Variants in NTM observed in about 807,000 individuals in gnomAD.
The protein encoded by NTM is IgLON family member 2.
In NTM, 13 loss-of-function variants were observed where a neutral mutation model predicts 42.1. That is an observed-to-expected ratio of 0.31 (90% CI 0.20 to 0.49). NTM has a LOEUF of 0.49. Among genes scored for constraint, NTM ranks in the 20% least tolerant of loss-of-function variants. The pLI is 0.99. For missense variants in NTM, 373 were observed against 452.8 expected (o/e 0.82, Z 1.60); for synonymous variants, 187 against 179.2 (o/e 1.04, Z -0.35).
At chr11:131,434,303 A>T (rs1307226935) in intron 1 of NTM, among the ~76,000 whole-genome samples, 1 of 152,240 alleles carries the variant, frequency 6.6e-6, no homozygotes, top group Non-Finnish European at 1.5e-5. Flanking sequence ...GTATATACCC[A>T]GTAATGGGAT....
chr11:131,542,125 T>C (rs2053349205), intron 1 of NTM, among the ~76,000 whole-genome samples: 1 of 152,174 alleles, frequency 6.6e-6, no homozygotes, highest in Admixed American at 6.5e-5. Context: ...ATGGGAATGA[T>C]TGTCCATTCT....
intron 1 of NTM, among the ~76,000 whole-genome samples, chr11:131,480,136 T>A (rs1953404682): frequency 6.6e-6 from 1 of 151,362 alleles, no homozygotes. Flanking sequence ...GATTACTTTT[T>A]TTTTTTTTTT....
chr11:131,956,462 C>T (rs1289722674), intron 2 of NTM, among the ~76,000 whole-genome samples: 3 of 152,068 alleles, frequency 2.0e-5, no homozygotes, highest in African/African-American at 7.2e-5. Context: ...AGTTAGGATA[C>T]TTTAGCATTA....
chr11:132,154,396 A>G (rs930563247), intron 3 of NTM, among the ~76,000 whole-genome samples: 12 of 152,264 alleles, frequency 7.9e-5, no homozygotes, highest in African/African-American at 2.7e-4. Context: ...TGCTTCTTGC[A>G]TGGTTAAGAC....
intron 1 of NTM, among the ~76,000 whole-genome samples, chr11:131,679,830 G>A (rs1314548423): frequency 1.3e-5 from 2 of 152,114 alleles, no homozygotes; most frequent in East Asian, 3.9e-4. Flanking sequence ...TCACCCTGAT[G>A]CAGGCTGACA....
rs568726485 is a variant in NTM, at chr11:132,020,924, T to G, written c.167+109276T>G. ...TTGGATTTGTAGAGTTTTTTAGATA[T>G]CTAGATTAGTGTTTTTAATCAAATT... On this transcript the variant is annotated intron_variant, in intron 2 of 8. Coordinates refer to ENST00000683400, the MANE Select transcript of NTM (RefSeq NM_001352005.2). Among the ~76,000 whole-genome samples, 3 of 152,288 alleles carry G rather than the reference T, an allele frequency of 2.0e-5. No individual in the cohort carries two copies. The South Asian group carries it at 6.2e-4, about 32-fold the overall frequency.
intron 1 of NTM, among the ~76,000 whole-genome samples, chr11:131,614,046 C>G (rs2061686719): frequency 6.6e-6 from 1 of 152,204 alleles, no homozygotes; most frequent in Non-Finnish European, 1.5e-5. Flanking sequence ...TTATGAGTAG[C>G]CTCTCAATAC....
intron 1 of NTM, among the ~76,000 whole-genome samples, chr11:131,552,161 A>T (rs2054756031): frequency 6.6e-6 from 1 of 152,186 alleles, no homozygotes; most frequent in African/African-American, 2.4e-5. Context: ...AGGGAGAGAG[A>T]CAGGGTCAGG....
chr11:132,267,767 G>T (rs1478125107), intron 4 of NTM, among the ~76,000 whole-genome samples: 1 of 151,652 alleles, frequency 6.6e-6, no homozygotes, highest in Non-Finnish European at 1.5e-5. Context: ...ACTTGAACTG[G>T]GGAGGCAGAT....
At chr11:131,783,886 TG>T (rs760722033) in intron 1 of NTM, among the ~76,000 whole-genome samples, 1 of 152,200 alleles carries the variant, frequency 6.6e-6, no homozygotes, top group Non-Finnish European at 1.5e-5. Flanking sequence ...TGCATTTATT[TG>T]GCAAATGACT....
chr11:131,604,727 G>C (rs1351080930), intron 1 of NTM, among the ~76,000 whole-genome samples: 1 of 148,654 alleles, frequency 6.7e-6, no homozygotes, highest in African/African-American at 2.5e-5. Flanking sequence ...TTTTTTGGGG[G>C]GAGGGGGTGG....
At chr11:131,505,721 C>G (rs1027185450) in intron 1 of NTM, among the ~76,000 whole-genome samples, 2 of 152,194 alleles carry the variant, frequency 1.3e-5, no homozygotes, top group African/African-American at 4.8e-5. Flanking sequence ...ACGGTGGCCA[C>G]TCAGCAGGTT....
intron 2 of NTM, among the ~76,000 whole-genome samples, chr11:132,143,184 GCAA>G (rs538050184): frequency 7.9e-5 from 12 of 152,234 alleles, no homozygotes; most frequent in African/African-American, 2.9e-4. Flanking sequence ...TATTCACTCT[GCAA>G]CTCTCATTTT....
At chr11:131,968,929 A>G (rs2063187295) in intron 2 of NTM, among the ~76,000 whole-genome samples, 1 of 152,158 alleles carries the variant, frequency 6.6e-6, no homozygotes, top group Non-Finnish European at 1.5e-5. Context: ...GAACTCCCTT[A>G]TGGATTATTT....
chr11:132,192,923 TA>T (rs2079546389), intron 3 of NTM, among the ~76,000 whole-genome samples: 1 of 152,150 alleles, frequency 6.6e-6, no homozygotes, highest in Non-Finnish European at 1.5e-5. Context: ...TGCTTAATTA[TA>T]AAGGGCTCAA....
chr11:131,624,660 A>G lies in NTM; in HGVS notation c.82+253772A>G, dbSNP rs373187642. On this transcript the variant is annotated intron_variant, in intron 1 of 8. Transcript: ENST00000683400. ...TAGCACTTAACATTTTACTAAGCAT[A>G]GGATGGACATTTAACAAATGATTGT... Among the ~76,000 whole-genome samples the G allele has an allele frequency of 5.1e-4, 77 of 152,356 alleles. 3 individuals carry two copies. The South Asian group carries it at 0.016, about 31-fold the overall frequency.
chr11:131,556,868 G>A (rs2055506045), intron 1 of NTM, among the ~76,000 whole-genome samples: 1 of 152,058 alleles, frequency 6.6e-6, no homozygotes, highest in South Asian at 2.1e-4. Flanking sequence ...ACCCAGCCTT[G>A]GGAATTTTTA....
chr11:132,119,386 AC>A (rs2064393740), intron 2 of NTM, among the ~76,000 whole-genome samples: 1 of 152,002 alleles, frequency 6.6e-6, no homozygotes, highest in Non-Finnish European at 1.5e-5. Flanking sequence ...ATCATGACTG[AC>A]CCTTCTGATA....
chr11:132,149,707 G>A (rs1196921874), intron 3 of NTM, among the ~76,000 whole-genome samples: 2 of 152,170 alleles, frequency 1.3e-5, no homozygotes, highest in Non-Finnish European at 2.9e-5. Context: ...ACCACATGGA[G>A]CAAGTCTCTG....
Sources: gnomAD v4.1 joint callset for allele counts (sites outside exome capture counted in the v4.1 genomes callset) on GRCh38, gnomAD v4.1.1 for gene constraint, MANE v1.5 for transcripts, NCBI Gene and HGNC (gene_info 2026-07-23, HGNC 2026-07-21) for gene names.